POLR1B: variants seen among roughly 807,000 people sequenced by gnomAD.
The protein encoded by POLR1B is RNA polymerase I subunit B.
Under a neutral mutation model 105.8 loss-of-function variants are expected in POLR1B, and 30 were observed. That is an observed-to-expected ratio of 0.28 (90% confidence interval 0.21 to 0.38). The LOEUF (loss-of-function observed/expected upper bound fraction) is 0.38. POLR1B is among the 10% of genes least tolerant of loss of function. The pLI, the probability that POLR1B is intolerant of heterozygous loss-of-function variation, is 1.00. For synonymous variants in POLR1B, 485 were observed against 505.1 expected, an observed-to-expected ratio of 0.96 and a Z score of 0.53; for missense variants, 976 against 1,435.8, an observed-to-expected ratio of 0.68 and a Z score of 5.17.
chr2:112,549,490 T>G, intron 4 of POLR1B, 91 bp downstream of exon 4: 1 of 994,068 alleles, frequency 1.0e-6, no homozygotes, highest in Non-Finnish European at 1.4e-6. Context: ...GTCTTTGATA[T>G]TTTTGTTTCT....
rs547043197 is a variant in POLR1B at position 112,578,089 on chromosome 2, A to C, written c.*2360A>C. The stretch of plus-strand genomic sequence containing the variant: ...TTTTAGCAGCACTAAAAACATTCCC[A>C]AAAAAAATGTTTTTTAGCTTTTTAA... On this transcript the variant is annotated 3_prime_UTR_variant, in exon 15 of 15. Coordinates refer to ENST00000263331, the MANE Select transcript of POLR1B (RefSeq NM_019014.6). Among the ~76,000 whole-genome samples, 152 of 152,030 alleles carry C rather than the reference A, an allele frequency of 1.0e-3. No individual in the cohort carries two copies. Among genetic ancestry groups the C allele is most frequent in the Admixed American group, 3.3e-3 (51 of 15,246 alleles).
Position 112,575,139 on chromosome 2 carries a change from T to G in POLR1B, c.2818T>G (p.Leu940Val). Residue 940 changes from leucine to valine, a missense_variant, in exon 15 of 15, where the codon TTG becomes GTG. By Grantham distance (32) the Leu-to-Val change is conservative. Transcript: ENST00000263331. This position sits in a 1 kb window ranked among gnomAD's most constrained non-coding sequence, Gnocchi z 5.3. ...GAGTATGGCCGGGAAGTCTGCAGCTTTGCATGGTCTCTGCCATGATGCTAC... is the reference window on the plus strand; with the variant it reads ...GAGTATGGCCGGGAAGTCTGCAGCTGTGCATGGTCTCTGCCATGATGCTAC... The part of the protein sequence containing the change: ...IESMAGKSAA[L>V]HGLCHDATPF... 1 of 1,614,128 alleles carries G rather than the reference T, an allele frequency of 6.2e-7. No individual in the cohort carries two copies. The highest frequency in any genetic ancestry group is 8.5e-7 in the Non-Finnish European group (1 of 1,180,020).
At chr2:112,545,427 T>C (rs1218673968) in intron 1 of POLR1B, among the ~76,000 whole-genome samples, 1 of 152,172 alleles carries the variant, frequency 6.6e-6, no homozygotes, top group Non-Finnish European at 1.5e-5. Context: ...CAAGATTGTG[T>C]GTTGATCAGT....
At chr2:112,572,157 C>T (rs1397304272) in intron 12 of POLR1B, among the ~76,000 whole-genome samples, 1 of 152,172 alleles carries the variant, frequency 6.6e-6, no homozygotes, top group African/African-American at 2.4e-5. Context: ...AATCTAATTA[C>T]GTAATAATTC....
chr2:112,564,676 T>C (rs553438128), intron 10 of POLR1B, among the ~76,000 whole-genome samples, 177 bp downstream of exon 10: 3 of 152,324 alleles, frequency 2.0e-5, no homozygotes, highest in South Asian at 2.1e-4. Context: ...ACTGGCCTCA[T>C]TGGTTGGGGT....
In POLR1B at chr2:112,542,674, G is replaced by C; in HGVS notation, c.177+3G>C. On this transcript the variant is annotated splice_donor_region_variant and intron_variant, in intron 1 of 14. Coordinates refer to ENST00000263331, the MANE Select transcript of POLR1B (RefSeq NM_019014.6). ...AGGGTCTCGGCCTCGCGGTGCAGGTGAGCGCGGCGTCCGCCGGCGCCCTTG... is the reference window on the plus strand; with the variant it reads ...AGGGTCTCGGCCTCGCGGTGCAGGTCAGCGCGGCGTCCGCCGGCGCCCTTG... The C allele has an allele frequency of 1.9e-6, 3 of 1,611,382 alleles. No homozygotes were observed. The highest frequency in any genetic ancestry group is 2.5e-6 in the Non-Finnish European group (3 of 1,178,648).
In POLR1B at chr2:112,559,326, T is replaced by C; in HGVS notation, c.1364T>C (p.Val455Ala). The C allele has an allele frequency of 6.2e-7, 1 of 1,614,202 alleles. No individual in the cohort carries two copies. The highest frequency in any genetic ancestry group is 8.5e-7 in the Non-Finnish European group (1 of 1,180,044). ...CTCCTACAAGATTCTGGACTTTGTGTTGTGGCTGACAAGCTGAACTTCATA... is the reference window on the plus strand; with the variant it reads ...CTCCTACAAGATTCTGGACTTTGTGCTGTGGCTGACAAGCTGAACTTCATA... ...LGLLQDSGLCVVADKLNFIRY... is the reference protein window; with the variant it reads ...LGLLQDSGLCAVADKLNFIRY... The change falls in exon 9 of 15, where the codon GTT (valine) becomes GCT (alanine). Residue 455 changes from valine (V) to alanine (A), a missense_variant. Val to Ala is a moderately conservative substitution (Grantham distance 64). Around this residue, in one of 12 missense-constraint regions of POLR1B, gnomAD observed 452 missense variants for 616.5 expected, o/e 0.73. Coordinates refer to ENST00000263331, the MANE Select transcript of POLR1B (RefSeq NM_019014.6).
chr2:112,564,217 G>T (rs997128157), intron 9 of POLR1B, 149 bp from the exon 10 acceptor site: 1 of 913,792 alleles, frequency 1.1e-6, no homozygotes, highest in Non-Finnish European at 1.6e-6. Flanking sequence ...CTGAAGTGCA[G>T]TTAAAAGAAA....
In POLR1B at chr2:112,574,985, G is replaced by A; in HGVS notation, c.2664G>A (p.Gly888=). Residue 888 remains glycine, a synonymous_variant, in exon 15 of 15, where the codon GGG becomes GGA. Coordinates refer to ENST00000263331, the MANE Select transcript of POLR1B (RefSeq NM_019014.6). ...TIGDKFASRH[G]QKGILSRLWP... ...GAGATAAATTTGCCAGTCGCCATGG[G>A]CAGAAGGGCATTTTAAGCAGATTGT... 3.7e-6 allele frequency: 6 copies of A among 1,614,200 alleles called. No individual in the cohort carries two copies. The highest frequency in any genetic ancestry group is 5.1e-6 in the Non-Finnish European group (6 of 1,180,052).
intron 7 of POLR1B, 31 bp from the exon 8 acceptor site, chr2:112,557,879 A>G (rs1163827751): frequency 8.5e-7 from 1 of 1,173,970 alleles, no homozygotes; most frequent in African/African-American, 1.6e-5. Context: ...CTCACATACT[A>G]TTTTATATTA....
At chr2:112,555,425 G>C (rs1335416557) in intron 7 of POLR1B, among the ~76,000 whole-genome samples, 1 of 152,194 alleles carries the variant, frequency 6.6e-6, no homozygotes, top group African/African-American at 2.4e-5. Context: ...AGGATCACTT[G>C]AGCCCAGGAG....
At chr2:112,545,837 G>C in intron 1 of POLR1B, 1 of 366,954 alleles carries the variant, frequency 2.7e-6, no homozygotes, top group Non-Finnish European at 5.3e-6. Flanking sequence ...GTAGAGACGG[G>C]GTCTCCCTAT....
chr2:112,573,700 C>G lies in POLR1B; in HGVS notation c.2410C>G (p.Leu804Val). 1 of 1,614,200 alleles carries G rather than the reference C, an allele frequency of 6.2e-7. No individual in the cohort carries two copies. Among genetic ancestry groups the G allele is most frequent in the South Asian group, 1.1e-5 (1 of 91,086 alleles). Residue 804 changes from leucine (L) to valine (V), a missense_variant, in exon 14 of 15, where the codon CTG becomes GTG. Around this residue, in one of 12 missense-constraint regions of POLR1B, gnomAD observed 119 missense variants for 149.7 expected, o/e 0.79. Coordinates refer to ENST00000263331, the MANE Select transcript of POLR1B (RefSeq NM_019014.6). ...CATCAAACCTGGTGACCCACGCGTT[C>G]TGCAGAAGTTAGATGACGATGGATT... ...FGIKPGDPRV[L>V]QKLDDDGLPF...
intron 9 of POLR1B, among the ~76,000 whole-genome samples, chr2:112,561,497 CATT>C (rs1683982702): frequency 1.3e-5 from 2 of 151,370 alleles, no homozygotes; most frequent in Admixed American, 1.3e-4. Context: ...AGTTGATTCT[CATT>C]ATTTGTAGTA....
At position 112,575,725 on chromosome 2, in the gene POLR1B, T is replaced by C; in HGVS notation, c.3404T>C (p.Val1135Ala). The change falls in exon 15 of 15, where the codon GTT (valine) becomes GCT (alanine). Residue 1135 changes from valine (V) to alanine (A), a missense_variant. By Grantham distance (64) the Val-to-Ala change is moderately conservative (BLOSUM62 0). Around this residue, in one of 12 missense-constraint regions of POLR1B, gnomAD observed 77 missense variants for 104.5 expected, o/e 0.74. Coordinates refer to ENST00000263331, the MANE Select transcript of POLR1B (RefSeq NM_019014.6). This position sits in a 1 kb window ranked among gnomAD's most constrained non-coding sequence, Gnocchi z 5.3. ...AMNIKVKLDV[V>A] ...AACATCAAAGTGAAACTGGATGTTG[T>C]TTAACTTGATGTTGACCTTTTGGAT... 6.2e-7 allele frequency: 1 copy of C among 1,607,222 alleles called. No individual in the cohort carries two copies. Among genetic ancestry groups the C allele is most frequent in the East Asian group, 2.2e-5 (1 of 44,766 alleles).
Position 112,573,767 on chromosome 2 carries a change from A to G in POLR1B, c.2477A>G (p.Tyr826Cys), listed in dbSNP as rs1173636361. Reference protein sequence around the residue: ...GAKLQYGDPYYSYLNLNTGES... With the variant: ...GAKLQYGDPYCSYLNLNTGES... ...AAACTGCAGTACGGAGATCCGTATT[A>G]CAGCTACCTCAACCTCAACACCGGG... is the stretch of plus-strand genomic sequence containing the variant. Residue 826 changes from tyrosine to cysteine, a missense_variant, in exon 14 of 15, where the codon TAC becomes TGC. Coordinates refer to ENST00000263331, the MANE Select transcript of POLR1B (RefSeq NM_019014.6). 2 of 1,614,236 alleles carry G rather than the reference A, an allele frequency of 1.2e-6. No homozygotes were observed. The highest frequency in any genetic ancestry group is 2.2e-5 in the South Asian group (2 of 91,086).
intron 8 of POLR1B, among the ~76,000 whole-genome samples, chr2:112,558,314 G>A (rs1683777543): frequency 6.6e-6 from 1 of 152,142 alleles, no homozygotes; most frequent in Admixed American, 6.5e-5. Context: ...AAAATGAAAG[G>A]CCACTTAGAC....
chr2:112,576,084 G>A lies in POLR1B; in HGVS notation c.*355G>A, dbSNP rs1684845512. ...CTGTTAATCCATCTTGAGCAGGACA[G>A]TACTATACAAATAGAATGCAAGCTG... On this transcript the variant is annotated 3_prime_UTR_variant, in exon 15 of 15. Transcript: ENST00000263331. 5.0e-6 allele frequency: 1 copy of A among 198,902 alleles called. No individual in the cohort carries two copies. The highest frequency in any genetic ancestry group is 1.1e-4 in the South Asian group (1 of 8,780). 12.3% of individuals were successfully genotyped at this position (198,902 alleles called of 1,614,324 possible).
chr2:112,544,409 G>T (rs1436577670), intron 1 of POLR1B, among the ~76,000 whole-genome samples: 1 of 152,144 alleles, frequency 6.6e-6, no homozygotes, highest in African/African-American at 2.4e-5. Context: ...TCCAGCCTGG[G>T]TGACAGAGTG....
Sources: gnomAD v4.1 joint callset for allele counts (sites outside exome capture counted in the v4.1 genomes callset) on GRCh38, gnomAD v4.1.1 for gene constraint, gnomAD v4.1.1 regional missense constraint, Gnocchi (gnomAD v3.1) non-coding constraint, MANE v1.5 for transcripts, NCBI Gene and HGNC (gene_info 2026-07-23, HGNC 2026-07-21) for gene names.